The following ZNF124 variants were observed in gnomAD, a reference collection of about 807,000 sequenced individuals.
ZNF124 encodes zinc finger protein HZF-16.
A neutral mutation model predicts 26.6 loss-of-function variants in ZNF124; 25 were observed. The ratio of observed to expected loss-of-function variants is 0.94; its 90% CI spans 0.68 to 1.31. The LOEUF (loss-of-function observed/expected upper bound fraction) is 1.31. Among genes scored for constraint, ZNF124 ranks in the 40% most tolerant of loss-of-function variants. ZNF124 has a pLI of 0.00. For missense variants in ZNF124, 444 were observed against 422.2 expected (o/e 1.05, Z -0.45); for synonymous variants, 129 against 133.3 (o/e 0.97, Z 0.22).
chr1:247,155,860 CAAAA>C lies in ZNF124; in HGVS notation c.*702_*705del, dbSNP rs35031827. On this transcript the variant is annotated 3_prime_UTR_variant, in exon 4 of 4. Transcript: ENST00000543802. ...TGGGCGACAAAGTGAGACTCCATCT[CAAAA>C]AAAAAAAAAAAAGTCTCACCTCAAT... 70 of 665,166 alleles carry C rather than the reference CAAAA, an allele frequency of 1.1e-4. No individual in the cohort carries two copies. The highest frequency in any genetic ancestry group is 4.0e-4 in the East Asian group (2 of 5,040). 41.2% of individuals were successfully genotyped at this position (665,166 alleles called of 1,614,324 possible). A position where few individuals can be genotyped will look rare whatever the true frequency, so the allele number is the denominator to read the frequency against.
downstream of ZNF124, among the ~76,000 whole-genome samples, chr1:247,153,818 T>C (rs1673014241): frequency 6.6e-6 from 1 of 152,232 alleles, no homozygotes; most frequent in Non-Finnish European, 1.5e-5. Flanking sequence ...TTTAGAATGC[T>C]GGTGAGCAGC....
chr1:247,150,148 C>T (rs751983346), downstream of ZNF124, among the ~76,000 whole-genome samples: 2 of 152,090 alleles, frequency 1.3e-5, no homozygotes, highest in African/African-American at 4.8e-5. Context: ...TTTTAAGTCA[C>T]GGCAGATGAT....
chr1:247,144,778 TTC>T (rs1180779004), intron 3 of ZNF124, among the ~76,000 whole-genome samples: 12 of 129,120 alleles, frequency 9.3e-5, no homozygotes, highest in African/African-American at 4.4e-4. Context: ...TTTTCTTTCT[TTC>T]TTTTTTTTTT....
At chr1:247,130,476 G>A (rs375283359) in intron 3 of ZNF124, among the ~76,000 whole-genome samples, 12 of 152,288 alleles carry the variant, frequency 7.9e-5, no homozygotes, top group East Asian at 5.8e-4. Context: ...CCTTTGTGCC[G>A]AGCGGAGATT....
At chr1:247,133,052 A>G (rs1672407026) in intron 3 of ZNF124, among the ~76,000 whole-genome samples, 1 of 152,166 alleles carries the variant, frequency 6.6e-6, no homozygotes, top group Non-Finnish European at 1.5e-5. Flanking sequence ...TTAGAGAAGA[A>G]CACAAATGAC....
At chr1:247,164,215 T>C (rs1673652992) in intron 1 of ZNF124, among the ~76,000 whole-genome samples, 1 of 152,168 alleles carries the variant, frequency 6.6e-6, no homozygotes, top group South Asian at 2.1e-4. Flanking sequence ...GCTGGAAACA[T>C]TCCTCTTGAG....
chr1:247,156,956 A>G lies in ZNF124; in HGVS notation c.666T>C (p.His222=), dbSNP rs41304032. 151,895 of 1,613,188 alleles carry G rather than the reference A, an allele frequency of 0.094. 8,602 individuals carry two copies. The highest frequency in any genetic ancestry group is 0.2 in the Admixed American group (11,850 of 59,948). Residue 222 remains histidine, a synonymous_variant, in exon 4 of 4, where the codon CAT becomes CAC. Coordinates refer to ENST00000543802, the MANE Select transcript of ZNF124 (RefSeq NM_001297568.2). ...CTCCAGTGTGAGTTCTTTCATGGTAATGAAGGCAATTGGAGTAACGGAAGG... is the reference window on the plus strand; with the variant it reads ...CTCCAGTGTGAGTTCTTTCATGGTAGTGAAGGCAATTGGAGTAACGGAAGG... ...GKAFRYSNCL[H]YHERTHTGEK...
At chr1:247,138,936 T>C (rs1672556442) in intron 3 of ZNF124, among the ~76,000 whole-genome samples, 1 of 152,238 alleles carries the variant, frequency 6.6e-6, no homozygotes, top group African/African-American at 2.4e-5. Context: ...CTGCCTCATT[T>C]TGGAGAGGCT....
chr1:247,168,463 A>G lies in ZNF124; in HGVS notation c.30+3385T>C, dbSNP rs949116628. The stretch of plus-strand genomic sequence containing the variant: ...CATGAGAATCCCTTGAACCCAGGCG[A>G]CGGAAGGTTGTAGTGAGCCAAGATC... On this transcript the variant is annotated intron_variant, in intron 1 of 3. Transcript: ENST00000543802. The surrounding 1 kb of genome is among the most constrained non-coding windows in gnomAD (Gnocchi z 4.0). Among the ~76,000 whole-genome samples the G allele has an allele frequency of 2.0e-5, 3 of 152,218 alleles. No individual in the cohort carries two copies. The highest frequency in any genetic ancestry group is 7.2e-5 in the African/African-American group (3 of 41,460).
intron 1 of ZNF124, among the ~76,000 whole-genome samples, chr1:247,163,108 A>T (rs148076656): frequency 6.6e-6 from 1 of 152,178 alleles, no homozygotes; most frequent in East Asian, 1.9e-4. Flanking sequence ...TTTGAAACTA[A>T]TAAGAACAAA....
intron 3 of ZNF124, among the ~76,000 whole-genome samples, chr1:247,127,509 G>T (rs919428154): frequency 6.6e-5 from 8 of 120,686 alleles, no homozygotes; most frequent in Non-Finnish European, 1.4e-4. Context: ...AAAGAAAGAA[G>T]AAGTAAAAAC....
chr1:247,162,572 T>C (rs1673540424), intron 1 of ZNF124, among the ~76,000 whole-genome samples: 1 of 144,968 alleles, frequency 6.9e-6, no homozygotes, highest in African/African-American at 2.6e-5. Flanking sequence ...TTAAGCAATG[T>C]ATGACTGTAT....
chr1:247,145,205 C>T (rs1672730377), intron 3 of ZNF124, among the ~76,000 whole-genome samples: 1 of 152,158 alleles, frequency 6.6e-6, no homozygotes. Flanking sequence ...GAAAGAATTA[C>T]ATTCAGTCAA....
intron 3 of ZNF124, among the ~76,000 whole-genome samples, chr1:247,126,170 A>C (rs1030827500): frequency 1.3e-5 from 2 of 151,102 alleles, no homozygotes; most frequent in Admixed American, 6.6e-5. Flanking sequence ...AATGAATGTA[A>C]CATTGTATAC....
intron 3 of ZNF124, among the ~76,000 whole-genome samples, chr1:247,133,455 T>C (rs986106074): frequency 1.3e-5 from 2 of 151,734 alleles, no homozygotes; most frequent in African/African-American, 4.8e-5. Context: ...ATTAAGATAC[T>C]CCTCAAGAAG....
chr1:247,159,975 A>AT lies in ZNF124; in HGVS notation c.31-163_31-162insA. 1.2e-5 allele frequency: 4 copies of AT among 340,300 alleles called. 1 individual carries two copies. Among genetic ancestry groups the AT allele is most frequent in the African/African-American group, 5.3e-5 (2 of 37,648 alleles). The allele number at this position is 340,300 out of a possible 1,614,324, so 21.1% of individuals were successfully genotyped here. A position where few individuals can be genotyped will look rare whatever the true frequency, so the allele number is the denominator to read the frequency against. On this transcript the variant is annotated intron_variant, in intron 1 of 3. Transcript: ENST00000543802. Reference sequence around the variant, plus strand: ...CTACACTTCCTTTCTCCCACATAGCAGTTCTTTTTTTTTTTTTTTTTTTTT... The same window carrying AT: ...CTACACTTCCTTTCTCCCACATAGCATGTTCTTTTTTTTTTTTTTTTTTTTT...
chr1:247,124,275 C>G (rs1305209443), intron 3 of ZNF124, among the ~76,000 whole-genome samples: 2 of 151,544 alleles, frequency 1.3e-5, no homozygotes, highest in Non-Finnish European at 2.9e-5. Context: ...GTGATCTTGG[C>G]TCACTGCAAC....
At chr1:247,163,505 A>G (rs945679258) in intron 1 of ZNF124, among the ~76,000 whole-genome samples, 2 of 151,946 alleles carry the variant, frequency 1.3e-5, no homozygotes, top group Admixed American at 6.6e-5. Flanking sequence ...GGCTATTATT[A>G]CAAACATCTC....
chr1:247,126,367 C>T (rs1431032101), intron 3 of ZNF124, among the ~76,000 whole-genome samples: 2 of 81,910 alleles, frequency 2.4e-5, no homozygotes, highest in African/African-American at 1.0e-4. Flanking sequence ...GGCACCGGGG[C>T]GGGGACTGCC....
Sources: allele counts gnomAD v4.1 joint callset (sites outside exome capture counted in the v4.1 genomes callset), GRCh38; gene constraint gnomAD v4.1.1; non-coding constraint Gnocchi (gnomAD v3.1); transcripts MANE v1.5; gene names NCBI Gene and HGNC (gene_info 2026-07-23, HGNC 2026-07-21).